CLK3: variants seen among roughly 807,000 people sequenced by gnomAD.
CLK3 encodes the protein CDC like kinase 3.
A neutral mutation model predicts 65.2 loss-of-function variants in CLK3; 24 were observed. That is an observed-to-expected ratio of 0.37 (90% CI 0.27 to 0.52). CLK3 has a LOEUF of 0.52. Ranked by LOEUF, CLK3 falls within the 20% of genes least tolerant of loss-of-function variation. CLK3 has a pLI of 0.92. For missense variants in CLK3, 506 were observed against 660.0 expected, an observed-to-expected ratio of 0.77 and a Z score of 2.56; for synonymous variants, 252 against 240.8, an observed-to-expected ratio of 1.05 and a Z score of -0.43.
In CLK3 at chr15:74,630,077, T is replaced by TATG. The variant is rs1283665181; in HGVS notation, c.*195_*197dup. On this transcript the variant is annotated 3_prime_UTR_variant, in exon 13 of 13. Coordinates refer to ENST00000395066, the MANE Select transcript of CLK3 (RefSeq NM_001130028.2). Reference sequence around the variant, plus strand: ...GCACAGATTTGACCCAAGCTATTTATATGTTATAAAGTTATAATAAAGTGT... The same window carrying TATG: ...GCACAGATTTGACCCAAGCTATTTATATGATGTTATAAAGTTATAATAAAGTGT... 1.7e-6 allele frequency: 1 copy of TATG among 589,748 alleles called. No individual in the cohort carries two copies. The highest frequency in any genetic ancestry group is 3.0e-6 in the Non-Finnish European group (1 of 331,878). 36.5% of individuals were successfully genotyped at this position (589,748 alleles called of 1,614,324 possible). A position where few individuals can be genotyped will look rare whatever the true frequency, so the allele number is the denominator to read the frequency against.
At chr15:74,613,009 C>A (rs2062009738), upstream of CLK3, among the ~76,000 whole-genome samples, 2 of 152,198 alleles carry the variant, frequency 1.3e-5, no homozygotes, top group South Asian at 4.1e-4. Context: ...CAGGCCAGGG[C>A]AGCCCCAGGA....
In CLK3 at chr15:74,622,225, A is replaced by AC; in HGVS notation, c.466+11dup. 6.2e-7 allele frequency: 1 copy of AC among 1,609,192 alleles called. No homozygotes were observed. The highest frequency in any genetic ancestry group is 8.5e-7 in the Non-Finnish European group (1 of 1,175,752). On this transcript the variant is annotated intron_variant, in intron 4 of 12. Transcript: ENST00000395066. The surrounding 1 kb of genome is among the most constrained non-coding windows in gnomAD (Gnocchi z 4.6). ...TTGGCTCCAAGAGCGATGTACAGCC[A>AC]CCTTTCGTAAAACTTTACCTCTCTA...
Position 74,615,874 on chromosome 15 carries a change from A to G in CLK3, c.-25A>G, listed in dbSNP as rs2062052890. On this transcript the variant is annotated 5_prime_UTR_variant, in exon 1 of 13. Transcript: ENST00000395066. ...GCGCTCGGAGCGGGGAGTGGGGCCT[A>G]GCTGCAGCCGGAGCCTGGGAGACGG... The G allele has an allele frequency of 4.0e-6, 5 of 1,255,480 alleles. No homozygotes were observed. Among genetic ancestry groups the G allele is most frequent in the Non-Finnish European group, 5.0e-6 (5 of 1,000,106 alleles). The allele number at this position is 1,255,480 out of a possible 1,614,324, so 77.8% of individuals were successfully genotyped here.
intron 12 of CLK3, 148 bp from the exon 13 acceptor site, chr15:74,629,559 A>G: frequency 4.8e-6 from 3 of 620,634 alleles, no homozygotes; most frequent in East Asian, 2.8e-5. Context: ...GGAGCTGCTC[A>G]TTGTCCAGGA....
At chr15:74,625,729 G>A in intron 6 of CLK3, 73 bp from the exon 7 acceptor site, 1 of 1,541,514 alleles carries the variant, frequency 6.5e-7, no homozygotes. Flanking sequence ...GTTGGGAACT[G>A]TCTTCATCTG....
chr15:74,611,546 C>T (rs2061990313), upstream of CLK3, among the ~76,000 whole-genome samples: 1 of 152,260 alleles, frequency 6.6e-6, no homozygotes, highest in South Asian at 2.1e-4. Context: ...TTTCTGCCAG[C>T]TGCTCCCACA....
chr15:74,624,721 T>C lies in CLK3; in HGVS notation c.534-181T>C. Reference sequence around the variant, plus strand: ...ATTAACTCACAGATCTCAGGGAGCTTGCTGTTGGGTGGGCAAAGGTCTGGT... The same window carrying C: ...ATTAACTCACAGATCTCAGGGAGCTCGCTGTTGGGTGGGCAAAGGTCTGGT... On this transcript the variant is annotated intron_variant, in intron 5 of 12. Transcript: ENST00000395066. This position sits in a 1 kb window ranked among gnomAD's most constrained non-coding sequence, Gnocchi z 4.2. 2 of 607,256 alleles carry C rather than the reference T, an allele frequency of 3.3e-6. No homozygotes were observed. The highest frequency in any genetic ancestry group is 2.0e-5 in the South Asian group (1 of 50,938). 37.6% of individuals were successfully genotyped at this position (607,256 alleles called of 1,614,324 possible).
chr15:74,612,654 G>A (rs2062005055), upstream of CLK3, among the ~76,000 whole-genome samples: 1 of 152,044 alleles, frequency 6.6e-6, no homozygotes, highest in South Asian at 2.1e-4. Context: ...CGCCCACCAG[G>A]CCTTCTCCCC....
Position 74,625,011 on chromosome 15 carries a change from A to C in CLK3, c.643A>C (p.Asn215His), listed in dbSNP as rs2062132617. The C allele has an allele frequency of 8.1e-6, 13 of 1,612,714 alleles. No individual in the cohort carries two copies. The highest frequency in any genetic ancestry group is 1.0e-5 in the Non-Finnish European group (12 of 1,178,794). Residue 215 changes from asparagine (N) to histidine (H), a missense_variant, in exon 6 of 13, where the codon AAC (asparagine) becomes CAC (histidine). Asn to His is a moderately conservative substitution (Grantham distance 68). Coordinates refer to ENST00000395066, the MANE Select transcript of CLK3 (RefSeq NM_001130028.2). The stretch of plus-strand genomic sequence containing the variant: ...AAAAATCAAGGAGAAGGACAAAGAA[A>C]ACAAGTTGTGAGTATCTGCAAGGAG... ...LKKIKEKDKE[N>H]KFLCVLMSDW...
upstream of CLK3, among the ~76,000 whole-genome samples, chr15:74,612,601 A>C (rs2062004135): frequency 6.7e-6 from 1 of 148,894 alleles, no homozygotes; most frequent in Non-Finnish European, 1.5e-5. Flanking sequence ...TGACCTCCCC[A>C]CTCCTCACAT....
Position 74,628,927 on chromosome 15 carries a change from C to T in CLK3, c.1206-15C>T. On this transcript the variant is annotated splice_polypyrimidine_tract_variant and intron_variant, in intron 11 of 12. Coordinates refer to ENST00000395066, the MANE Select transcript of CLK3 (RefSeq NM_001130028.2). ...TTACTACTCCCACACTTGACTCCACCCCCTTAATTTTCAGGAAGCAGAAAT... is the reference window on the plus strand; with the variant it reads ...TTACTACTCCCACACTTGACTCCACTCCCTTAATTTTCAGGAAGCAGAAAT... 7 of 1,584,594 alleles carry T rather than the reference C, an allele frequency of 4.4e-6. No homozygotes were observed. The highest frequency in any genetic ancestry group is 6.1e-6 in the Non-Finnish European group (7 of 1,153,406).
At chr15:74,620,466 GC>G in intron 3 of CLK3, 1 of 617,460 alleles carries the variant, frequency 1.6e-6, no homozygotes, top group Non-Finnish European at 2.8e-6. Flanking sequence ...ATGCTGGCTG[GC>G]CCCTGGCCTG....
chr15:74,620,440 AG>A, intron 3 of CLK3: 1 of 675,480 alleles, frequency 1.5e-6, no homozygotes. Flanking sequence ...TGGCAACTGT[AG>A]GAACTCTGGC....
At chr15:74,620,348 A>G (rs1301206784) in intron 3 of CLK3, 123 bp downstream of exon 3, 5 of 1,338,610 alleles carry the variant, frequency 3.7e-6, no homozygotes, top group Admixed American at 3.8e-5. Context: ...GTGTGCGTGC[A>G]TGTGTGTGTG....
At chr15:74,611,641 GC>G (rs2061991546), upstream of CLK3, among the ~76,000 whole-genome samples, 1 of 152,204 alleles carries the variant, frequency 6.6e-6, no homozygotes, top group South Asian at 2.1e-4. Flanking sequence ...TTCAGCCCAG[GC>G]CCCAGGGGGC....
chr15:74,615,150 G>C, upstream of CLK3: 1 of 347,376 alleles, frequency 2.9e-6, no homozygotes, highest in Non-Finnish European at 5.2e-6. Context: ...TGTCTAGCGG[G>C]GGAGTCTTAA....
At chr15:74,611,819 G>A (rs1438890207), upstream of CLK3, among the ~76,000 whole-genome samples, 1 of 152,258 alleles carries the variant, frequency 6.6e-6, no homozygotes, top group East Asian at 1.9e-4. Flanking sequence ...ACAGATCCTG[G>A]AGCTGGGGTA....
chr15:74,626,378 G>C (rs1845897192), intron 7 of CLK3, among the ~76,000 whole-genome samples: 1 of 152,228 alleles, frequency 6.6e-6, no homozygotes, highest in African/African-American at 2.4e-5. Context: ...TGCCAGCCTG[G>C]AAAAGCATTA....
In CLK3 at chr15:74,622,048, A is replaced by G; in HGVS notation, c.370-72A>G. The stretch of plus-strand genomic sequence containing the variant: ...GTCTCCACCTCTGCCTTTGACTGAC[A>G]CCTCAATCTGTCAATCGGAACCGCC... On this transcript the variant is annotated intron_variant, in intron 3 of 12. Coordinates refer to ENST00000395066, the MANE Select transcript of CLK3 (RefSeq NM_001130028.2). This position sits in a 1 kb window ranked among gnomAD's most constrained non-coding sequence, Gnocchi z 4.6. The G allele has an allele frequency of 1.4e-6, 2 of 1,428,660 alleles. No individual in the cohort carries two copies. The highest frequency in any genetic ancestry group is 2.0e-6 in the Non-Finnish European group (2 of 1,013,532). 88.5% of individuals were successfully genotyped at this position (1,428,660 alleles called of 1,614,324 possible). A position where few individuals can be genotyped will look rare whatever the true frequency, so the allele number is the denominator to read the frequency against.
Sources: allele counts gnomAD v4.1 joint callset (sites outside exome capture counted in the v4.1 genomes callset), GRCh38; gene constraint gnomAD v4.1.1; non-coding constraint Gnocchi (gnomAD v3.1); transcripts MANE v1.5; gene names NCBI Gene and HGNC (gene_info 2026-07-23, HGNC 2026-07-21).